The following MYOF variants were observed in gnomAD, a reference collection of about 807,000 sequenced individuals.
MYOF encodes myoferlin, also known as fer-1-like 3, myoferlin.
In MYOF, 244 loss-of-function variants were observed where a neutral mutation model predicts 284.2. The ratio of observed to expected loss-of-function variants is 0.86; its 90% CI spans 0.77 to 0.95. MYOF has a LOEUF of 0.95. MYOF is among the 40% of genes least tolerant of loss of function. The probability of loss-of-function intolerance (pLI) is 0.00; values close to 1 mark genes in which losing one functional copy is unlikely to be tolerated. For missense variants in MYOF, 2,496 were observed against 2,560.6 expected (o/e 0.97, Z 0.54); for synonymous variants, 904 against 919.7 (o/e 0.98, Z 0.31).
chr10:93,436,692 G>C (rs1381945203), intron 3 of MYOF, among the ~76,000 whole-genome samples: 1 of 152,150 alleles, frequency 6.6e-6, no homozygotes, highest in African/African-American at 2.4e-5. Flanking sequence ...CCTATTTTCT[G>C]TGACGTTGCC....
At chr10:93,424,119 G>A (rs1441837143) in intron 5 of MYOF, among the ~76,000 whole-genome samples, 1 of 152,174 alleles carries the variant, frequency 6.6e-6, no homozygotes, top group Non-Finnish European at 1.5e-5. Context: ...CCAGAACTGC[G>A]AGAGAATATT....
intron 28 of MYOF, among the ~76,000 whole-genome samples, chr10:93,360,298 C>T (rs1845007019): frequency 6.6e-6 from 1 of 152,220 alleles, no homozygotes; most frequent in African/African-American, 2.4e-5. Context: ...AGCGTGTGGA[C>T]TGTGCGGTTG....
At chr10:93,373,567 G>A (rs1383309119) in intron 23 of MYOF, among the ~76,000 whole-genome samples, 1 of 149,264 alleles carries the variant, frequency 6.7e-6, no homozygotes, top group Non-Finnish European at 1.5e-5. Context: ...AGCTGGATAT[G>A]CAAATGTCCC....
chr10:93,348,868 T>C (rs1387176610), intron 36 of MYOF, among the ~76,000 whole-genome samples: 1 of 152,148 alleles, frequency 6.6e-6, no homozygotes, highest in Non-Finnish European at 1.5e-5. Flanking sequence ...AGCCCTACAC[T>C]GCAGCTGTCA....
intron 3 of MYOF, among the ~76,000 whole-genome samples, chr10:93,434,016 C>T (rs1848989920): frequency 1.3e-5 from 2 of 152,174 alleles, no homozygotes; most frequent in Non-Finnish European, 2.9e-5. Context: ...ACCCAATTTA[C>T]CCAATGACAG....
chr10:93,440,233 G>A (rs2056202247), intron 3 of MYOF, among the ~76,000 whole-genome samples: 1 of 152,098 alleles, frequency 6.6e-6, no homozygotes, highest in Non-Finnish European at 1.5e-5. Flanking sequence ...CCAATATGGT[G>A]AAACCCCATT....
At chr10:93,415,490 T>C (rs1848079548) in intron 5 of MYOF, among the ~76,000 whole-genome samples, 1 of 152,204 alleles carries the variant, frequency 6.6e-6, no homozygotes. Flanking sequence ...TCAAATCACT[T>C]TACCTTTCTG....
At chr10:93,427,530 CAAAAAAAAAA>C (rs11293315) in intron 4 of MYOF, among the ~76,000 whole-genome samples, 1 of 81,856 alleles carries the variant, frequency 1.2e-5, no homozygotes, top group Non-Finnish European at 2.3e-5. Context: ...GACTCCGTCT[CAAAAAAAAAA>C]AAAAAAAAAA....
chr10:93,380,324 T>C (rs1392648286), intron 20 of MYOF, among the ~76,000 whole-genome samples: 3 of 152,168 alleles, frequency 2.0e-5, no homozygotes, highest in East Asian at 1.9e-4. Context: ...AGACTGAACA[T>C]GTTAGTCCCT....
intron 16 of MYOF, among the ~76,000 whole-genome samples, chr10:93,394,177 C>T (rs965431064): frequency 6.6e-6 from 1 of 152,144 alleles, no homozygotes; most frequent in African/African-American, 2.4e-5. Flanking sequence ...TCTCGGCTCA[C>T]TGCAACCTCC....
chr10:93,402,380 A>G (rs376600822), intron 10 of MYOF, 33 bp from the exon 11 acceptor site: 2 of 1,533,434 alleles, frequency 1.3e-6, no homozygotes, highest in East Asian at 2.2e-5. Flanking sequence ...GGAAATGGAC[A>G]TGCTAAAAAG....
At chr10:93,349,733 TTG>T (rs536124742) in intron 36 of MYOF, 73 bp downstream of exon 36, 3,593 of 1,411,906 alleles carry the variant, frequency 2.5e-3, no homozygotes, top group South Asian at 4.9e-3. Flanking sequence ...AACTCTGTGT[TTG>T]TGTGTGTGTG....
intron 16 of MYOF, 45 bp downstream of exon 16, chr10:93,396,097 A>C: frequency 6.8e-7 from 1 of 1,466,414 alleles, no homozygotes; most frequent in Non-Finnish European, 9.3e-7. Flanking sequence ...AGACTGGAGA[A>C]AAGTTCTGTA....
Position 93,316,746 on chromosome 10 carries a change from T to TC in MYOF, c.5665dup (p.Asp1889GlyfsTer3). 6.2e-7 allele frequency: 1 copy of TC among 1,613,938 alleles called. No homozygotes were observed. Among genetic ancestry groups the TC allele is most frequent in the Non-Finnish European group, 8.5e-7 (1 of 1,179,884 alleles). ...GTCATCCAGAGAAAACTTGTCATTG[T>TC]CCCATATCTGAATGATCAGCCTGGG... On this transcript the variant is annotated frameshift_variant, in exon 50 of 54. Coordinates refer to ENST00000359263, the MANE Select transcript of MYOF (RefSeq NM_013451.4). LOFTEE classifies it high-confidence loss of function.
At chr10:93,353,672 T>A (rs769360580) in intron 32 of MYOF, 139 bp downstream of exon 32, 1 of 608,464 alleles carries the variant, frequency 1.6e-6, no homozygotes, top group Non-Finnish European at 2.8e-6. Context: ...CTGAGCAGTT[T>A]GCTTCAAGCA....
intron 2 of MYOF, among the ~76,000 whole-genome samples, chr10:93,455,001 A>AAG (rs1312290010): frequency 3.3e-5 from 5 of 149,914 alleles, no homozygotes; most frequent in Non-Finnish European, 4.5e-5. Context: ...AAAAAAAAAA[A>AAG]AAAAAAAAAA....
chr10:93,471,658 G>A (rs1026034086), intron 1 of MYOF, among the ~76,000 whole-genome samples: 2 of 152,210 alleles, frequency 1.3e-5, no homozygotes, highest in African/African-American at 4.8e-5. Context: ...GGAGGCCAAG[G>A]TGGGCGGATC....
In MYOF at chr10:93,387,856, T is replaced by C; in HGVS notation, c.1639A>G (p.Lys547Glu). 6.2e-7 allele frequency: 1 copy of C among 1,614,130 alleles called. No homozygotes were observed. Among genetic ancestry groups the C allele is most frequent in the Non-Finnish European group, 8.5e-7 (1 of 1,180,032 alleles). Residue 547 changes from lysine to glutamate, a missense_variant, in exon 19 of 54, where the codon AAG (lysine) becomes GAG (glutamate). This residue lies in a region of MYOF where 2,436 missense variants were observed against 2,480.7 expected (regional missense o/e 0.98). Coordinates refer to ENST00000359263, the MANE Select transcript of MYOF (RefSeq NM_013451.4). ...ILVELATFLE[K>E]TPPDKKLEPI... ...TCAAGCTTTTTATCTGGTGGTGTCT[T>C]CTCAAGAAAAGTGGCTAATTCAACC... is the stretch of plus-strand genomic sequence containing the variant.
At chr10:93,480,009 G>T (rs937629713) in intron 1 of MYOF, among the ~76,000 whole-genome samples, 1 of 152,128 alleles carries the variant, frequency 6.6e-6, no homozygotes, top group African/African-American at 2.4e-5. Context: ...TTTCAATATA[G>T]TATTAACTCC....
Sources: gnomAD v4.1 joint callset for allele counts (sites outside exome capture counted in the v4.1 genomes callset) on GRCh38, gnomAD v4.1.1 for gene constraint, gnomAD v4.1.1 regional missense constraint, MANE v1.5 for transcripts, NCBI Gene and HGNC (gene_info 2026-07-23, HGNC 2026-07-21) for gene names.